The following TTN variants were observed in gnomAD, a reference collection of about 807,000 sequenced individuals.
TTN encodes titin, also known as connectin.
TTN carries 1,525 observed loss-of-function variants against 3,223.0 expected under a neutral mutation model. The observed-to-expected ratio is 0.47, with a 90% confidence interval of 0.45 to 0.49. The LOEUF is 0.49. Ranked by LOEUF, TTN falls within the 20% of genes least tolerant of loss-of-function variation. The pLI, the probability that TTN is intolerant of heterozygous loss-of-function variation, is 0.00. For synonymous variants in TTN, 14,094 were observed against 15,161.0 expected, an observed-to-expected ratio of 0.93 and a Z score of 5.17; for missense variants, 40,786 against 43,424.0, an observed-to-expected ratio of 0.94 and a Z score of 5.40.
At chr2:178,538,048 A>C in intron 354 of TTN, 131 bp from the exon 355 acceptor site, 1 of 896,280 alleles carries the variant, frequency 1.1e-6, no homozygotes, top group Non-Finnish European at 1.6e-6. Context: ...CCTAATTCTT[A>C]AAAACTCTTT....
intron 330 of TTN, 110 bp from the exon 331 acceptor site, chr2:178,555,262 C>T: frequency 1.0e-6 from 1 of 978,018 alleles, no homozygotes. Flanking sequence ...TATACACACA[C>T]ACCATCATTA....
chr2:178,786,241 G>T, intron 13 of TTN, 100 bp from the exon 14 acceptor site: 2 of 1,264,760 alleles, frequency 1.6e-6, no homozygotes, highest in Non-Finnish European at 2.2e-6. Flanking sequence ...ACATTATACA[G>T]CAGTGTTAAC....
chr2:178,672,151 C>T lies in TTN; in HGVS notation c.35047G>A (p.Glu11683Lys). The change falls in exon 155 of 363, where the codon GAG (glutamate) becomes AAG (lysine). Residue 11683 changes from glutamate (E) to lysine (K), a missense_variant. Glu to Lys is a moderately conservative substitution (Grantham distance 56). Transcript: ENST00000589042. ...AAATATTCTTCAACTTCATGGAACT[C>T]TTCTTCTTCCGGAATTTCTTCCACT... is the stretch of plus-strand genomic sequence containing the variant. Reference protein sequence around the residue: ...AEVEEIPEEEEFHEVEEYFEE... With the variant: ...AEVEEIPEEEKFHEVEEYFEE... 6.2e-7 allele frequency: 1 copy of T among 1,601,534 alleles called. No homozygotes were observed. The highest frequency in any genetic ancestry group is 8.5e-7 in the Non-Finnish European group (1 of 1,172,630).
rs376594698 is a variant in TTN at position 178,545,725 on chromosome 2, C to T, written c.95417-32G>A. On this transcript the variant is annotated intron_variant, in intron 343 of 362. Coordinates refer to ENST00000589042, the MANE Select transcript of TTN (RefSeq NM_001267550.2). Reference sequence around the variant, plus strand: ...ATGAAAATAAGGATGATGAGAATTGCACAAAATTACTATTGATAAGACTGC... The same window carrying T: ...ATGAAAATAAGGATGATGAGAATTGTACAAAATTACTATTGATAAGACTGC... 1.0e-5 allele frequency: 16 copies of T among 1,602,898 alleles called. No individual in the cohort carries two copies. In the African/African-American group the frequency reaches 2.0e-4, roughly 20 times the overall value.
At chr2:178,758,923 A>G in intron 44 of TTN, 61 bp downstream of exon 44, 1 of 1,481,072 alleles carries the variant, frequency 6.8e-7, no homozygotes, top group Non-Finnish European at 9.4e-7. Context: ...AGTAATTGTT[A>G]CAGACATTGT....
chr2:178,761,118 A>G (rs1291498344), intron 43 of TTN: 1 of 152,098 alleles, frequency 6.6e-6, no homozygotes, highest in East Asian at 1.9e-4. Context: ...CTTTGAGGCC[A>G]TTCTTCTCCC....
In TTN at chr2:178,732,104, G is replaced by A; in HGVS notation, c.16865C>T (p.Ala5622Val). The A allele has an allele frequency of 6.2e-7, 1 of 1,612,852 alleles. No homozygotes were observed. The highest frequency in any genetic ancestry group is 8.5e-7 in the Non-Finnish European group (1 of 1,179,082). ...GEYMCEAQNE[A>V]GSDHCSSIVI... ...AATGCTACTGCAGTGGTCACTGCCA[G>A]CCTCATTTTGGGCCTCACACATATA... Residue 5622 changes from alanine (A) to valine (V), a missense_variant, in exon 57 of 363, where the codon GCT (alanine) becomes GTT (valine). Coordinates refer to ENST00000589042, the MANE Select transcript of TTN (RefSeq NM_001267550.2).
At position 178,528,784 on chromosome 2, in the gene TTN, G is replaced by A; in HGVS notation, c.106967C>T (p.Ser35656Leu). The A allele has an allele frequency of 6.2e-7, 1 of 1,612,678 alleles. No individual in the cohort carries two copies. Among genetic ancestry groups the A allele is most frequent in the Non-Finnish European group, 8.5e-7 (1 of 1,178,856 alleles). Residue 35656 changes from serine (S) to leucine (L), a missense_variant, in exon 360 of 363, where the codon TCA becomes TTA. Coordinates refer to ENST00000589042, the MANE Select transcript of TTN (RefSeq NM_001267550.2). ...TNSEEYRYGV[S>L]GSDQTLTIKQ... ...GATGGTTAGGGTCTGATCGCTGCCT[G>A]AGACACCATATCGGTACTCCTCAGA...
chr2:178,548,097 C>A lies in TTN; in HGVS notation c.93529G>T (p.Val31177Phe). Residue 31177 changes from valine (V) to phenylalanine (F), a missense_variant, in exon 339 of 363, where the codon GTT becomes TTT. By Grantham distance (50) the Val-to-Phe change is conservative. Transcript: ENST00000589042. The surrounding 1 kb of genome is among the most constrained non-coding windows in gnomAD (Gnocchi z 4.3). ...CGGAATTCATATTCAGTTTTCTCAA[C>A]AAGACGCTCTACTGTGAAAGTTAGC... is the stretch of plus-strand genomic sequence containing the variant. The part of the protein sequence containing the change: ...KQLTFTVERL[V>F]EKTEYEFRVK... 6.2e-7 allele frequency: 1 copy of A among 1,613,862 alleles called. No individual in the cohort carries two copies. Among genetic ancestry groups the A allele is most frequent in the Non-Finnish European group, 8.5e-7 (1 of 1,179,804 alleles).
chr2:178,748,278 G>A (rs372982398), intron 47 of TTN: 4 of 1,612,736 alleles, frequency 2.5e-6, no homozygotes, highest in East Asian at 2.2e-5. Flanking sequence ...TTTTGTTCCT[G>A]TACATGTCGG....
rs1255583416 is a variant in TTN at position 178,636,401 on chromosome 2, C to T, written c.41326G>A (p.Glu13776Lys). 6.2e-7 allele frequency: 1 copy of T among 1,601,650 alleles called. No homozygotes were observed. Among genetic ancestry groups the T allele is most frequent in the Admixed American group, 1.7e-5 (1 of 58,636 alleles). ...EKTSTAKLVV[E>K]ELPVRFVKTL... ...TGTTCAGAAGACTAGAAATTACCTTCTACAACAAGTTTAGCCGTGGAGGTC... is the reference window on the plus strand; with the variant it reads ...TGTTCAGAAGACTAGAAATTACCTTTTACAACAAGTTTAGCCGTGGAGGTC... Residue 13776 changes from glutamate (E) to lysine (K), a missense_variant, in exon 225 of 363, where the codon GAA becomes AAA. Physicochemically the swap from Glu to Lys is moderately conservative, Grantham distance 56. Coordinates refer to ENST00000589042, the MANE Select transcript of TTN (RefSeq NM_001267550.2). The surrounding 1 kb of genome is among the most constrained non-coding windows in gnomAD (Gnocchi z 4.3).
At chr2:178,625,623 G>A (rs1301563164) in intron 240 of TTN, among the ~76,000 whole-genome samples, 2 of 151,838 alleles carry the variant, frequency 1.3e-5, no homozygotes, top group Non-Finnish European at 2.9e-5. Flanking sequence ...TGCACAATGT[G>A]CAGGTTAGTT....
Position 178,620,392 on chromosome 2 carries a change from G to C in TTN, c.46129C>G (p.Gln15377Glu). The change falls in exon 248 of 363, where the codon CAA becomes GAA. Residue 15377 changes from glutamine to glutamate, a missense_variant. Coordinates refer to ENST00000589042, the MANE Select transcript of TTN (RefSeq NM_001267550.2). ...DEGEYIVTAG[Q>E]DKSVAELLII... ...AGAAGCTCAGCAACAGATTTATCTT[G>C]TCCAGCAGTGACAATGTATTCACCT... 1.2e-6 allele frequency: 2 copies of C among 1,612,128 alleles called. No individual in the cohort carries two copies. Among genetic ancestry groups the C allele is most frequent in the South Asian group, 2.2e-5 (2 of 90,948 alleles).
chr2:178,653,040 C>A lies in TTN; in HGVS notation c.38875+1G>T, dbSNP rs767808431. The stretch of plus-strand genomic sequence containing the variant: ...TGAAGCCTAAAGCCAGTGACAAATA[C>A]CTTTAACAGGTGGGACTTCAGGTTT... On this transcript the variant is annotated splice_donor_variant, in intron 199 of 362. Transcript: ENST00000589042. LOFTEE classifies it high-confidence loss of function. 1.9e-6 allele frequency: 3 copies of A among 1,613,036 alleles called. No homozygotes were observed. Among genetic ancestry groups the A allele is most frequent in the East Asian group, 2.2e-5 (1 of 44,832 alleles).
chr2:178,629,273 G>A (rs1209128357), intron 240 of TTN, 28 bp downstream of exon 240: 2 of 1,607,498 alleles, frequency 1.2e-6, no homozygotes, highest in Non-Finnish European at 1.7e-6. Context: ...AAAAAGAACG[G>A]GAAAGACAAG....
rs2068814698 is a variant in TTN at position 178,679,410 on chromosome 2, T to A, written c.33671A>T (p.Glu11224Val). ...KKEAPPAKVP[E>V]VPKKPEEKVP... ...TTTCTCCTCTGGCTTCTTAGGAACC[T>A]CAGGCACTTTAAAGATATTGTTTAT... Residue 11224 changes from glutamate to valine, a missense_variant, in exon 142 of 363, where the codon GAG becomes GTG. Transcript: ENST00000589042. 1 of 1,612,440 alleles carries A rather than the reference T, an allele frequency of 6.2e-7. No individual in the cohort carries two copies. Among genetic ancestry groups the A allele is most frequent in the Non-Finnish European group, 8.5e-7 (1 of 1,179,012 alleles).
rs923565817 is a variant in TTN at position 178,550,602 on chromosome 2, T to C, written c.91565-329A>G. ...TTCTTTTAAGAGGCCATCAGCTGCA[T>C]TCAAGCAAGGGGATGATTGTGTTGT... On this transcript the variant is annotated intron_variant, in intron 336 of 362. Transcript: ENST00000589042. 1.1e-4 allele frequency: 45 copies of C among 406,500 alleles called. No individual in the cohort carries two copies. The Middle Eastern group carries it at 2.0e-3, about 18-fold the overall frequency. 25.2% of individuals were successfully genotyped at this position (406,500 alleles called of 1,614,324 possible). A position where few individuals can be genotyped will look rare whatever the true frequency, so the allele number is the denominator to read the frequency against.
At chr2:178,633,125 C>T (rs1038569106) in intron 233 of TTN, 62 bp downstream of exon 233, 16 of 1,597,908 alleles carry the variant, frequency 1.0e-5, no homozygotes, top group Non-Finnish European at 1.3e-5. Context: ...TATTTTATGC[C>T]TTTTTTCACC....
rs1164190108 is a variant in TTN at position 178,545,635 on chromosome 2, G to T, written c.95475C>A (p.Ile31825=). 6.2e-7 allele frequency: 1 copy of T among 1,613,774 alleles called. No homozygotes were observed. The highest frequency in any genetic ancestry group is 1.7e-5 in the Admixed American group (1 of 60,010). ...CAGATTCAGGTTTTGTCCACTGAAT[G>T]ATGATATGCTCTTTGCCAGTCCCAA... ...EEVGTGKEHI[I]IQWTKPESDG... The change falls in exon 344 of 363, where the codon ATC becomes ATA. Residue 31825 remains isoleucine (I), a synonymous_variant. Transcript: ENST00000589042.
Sources: allele counts gnomAD v4.1 joint callset (sites outside exome capture counted in the v4.1 genomes callset), GRCh38; gene constraint gnomAD v4.1.1; non-coding constraint Gnocchi (gnomAD v3.1); transcripts MANE v1.5; gene names NCBI Gene and HGNC (gene_info 2026-07-23, HGNC 2026-07-21).